OR2L13: variants seen among roughly 807,000 people sequenced by gnomAD.
OR2L13 encodes olfactory receptor family 2 subfamily L member 13, also known as olfactory receptor 2L13.
In OR2L13, 14 loss-of-function variants were observed where a neutral mutation model predicts 15.3. The observed-to-expected ratio is 0.91, with a 90% CI of 0.60 to 1.43. The LOEUF is 1.43. Ranked by LOEUF, OR2L13 falls within the 40% of genes most tolerant of loss-of-function variation. The probability of loss-of-function intolerance (pLI) is 0.00; values close to 1 mark genes in which losing one functional copy is unlikely to be tolerated. For missense variants in OR2L13, 367 were observed against 387.9 expected, an observed-to-expected ratio of 0.95 and a Z score of 0.45; for synonymous variants, 152 against 142.9, an observed-to-expected ratio of 1.06 and a Z score of -0.45.
the OR2L13 span, chr1:248,022,448 T>C: frequency 1.1e-5 from 18 of 1,614,254 alleles, no homozygotes; most frequent in Non-Finnish European, 1.4e-5. Context: ...GTATCCCATA[T>C]TGCAAGTCCA....
chr1:248,092,532 T>C (rs746640925), upstream of OR2L13, among the ~76,000 whole-genome samples: 8 of 152,204 alleles, frequency 5.3e-5, no homozygotes, highest in Non-Finnish European at 1.0e-4. Flanking sequence ...ATCTGTGGAC[T>C]ACTCCATTCA....
At chr1:247,966,347 T>C in the OR2L13 span, 14 of 1,597,244 alleles carry the variant, frequency 8.8e-6, no homozygotes, top group African/African-American at 1.5e-4. Flanking sequence ...TGATTGAGCA[T>C]TAACAACATA....
At chr1:248,060,636 A>G in the OR2L13 span, 3 of 1,491,086 alleles carry the variant, frequency 2.0e-6, no homozygotes, top group East Asian at 6.8e-5. Context: ...TTCTGTGCTT[A>G]ACTTACCCTT....
the OR2L13 span, among the ~76,000 whole-genome samples, chr1:248,068,938 G>A: frequency 3.3e-5 from 5 of 152,142 alleles, no homozygotes; most frequent in South Asian, 2.1e-4. Context: ...AGAATAAAAA[G>A]AAATGAACAA....
the OR2L13 span, among the ~76,000 whole-genome samples, chr1:248,018,568 G>A: frequency 6.6e-6 from 1 of 152,066 alleles, no homozygotes; most frequent in Non-Finnish European, 1.5e-5. Flanking sequence ...GAAACTTGTA[G>A]GAATTTTCTT....
the OR2L13 span, among the ~76,000 whole-genome samples, chr1:248,068,318 GA>G: frequency 6.6e-6 from 1 of 152,048 alleles, no homozygotes; most frequent in Admixed American, 6.6e-5. Flanking sequence ...GGAATGATCA[GA>G]CAGCAGTATT....
chr1:248,037,992 T>C, the OR2L13 span, among the ~76,000 whole-genome samples: 1 of 152,214 alleles, frequency 6.6e-6, no homozygotes, highest in African/African-American at 2.4e-5. Context: ...AAGAAAAATA[T>C]AGATTGCATT....
chr1:248,091,614 G>C (rs1295333198), upstream of OR2L13, among the ~76,000 whole-genome samples: 1 of 151,244 alleles, frequency 6.6e-6, no homozygotes, highest in East Asian at 1.9e-4. Context: ...TTATTTCTGG[G>C]CTCTCCATTC....
chr1:248,040,243 A>G, the OR2L13 span: 1 of 152,264 alleles, frequency 6.6e-6, no homozygotes, highest in African/African-American at 2.4e-5. Flanking sequence ...CATAAAGGTT[A>G]TCTGCTTAGG....
chr1:247,954,479 A>T, the OR2L13 span, among the ~76,000 whole-genome samples: 151 of 152,184 alleles, frequency 9.9e-4, no homozygotes, highest in Non-Finnish European at 1.8e-3. Flanking sequence ...TAAATATTTT[A>T]AAATACATTT....
the OR2L13 span, among the ~76,000 whole-genome samples, chr1:248,085,453 G>A: frequency 3.5e-4 from 2 of 5,660 alleles, no homozygotes; most frequent in Middle Eastern, 0.25. Context: ...ATAAAAAAAT[G>A]TGTGCAGAGA....
chr1:248,077,325 A>T, the OR2L13 span, among the ~76,000 whole-genome samples: 14 of 152,282 alleles, frequency 9.2e-5, 1 homozygote, highest in Admixed American at 3.3e-4. Context: ...TGTCTCTGCC[A>T]GGCTTTGGTA....
At chr1:247,937,661 C>T in the OR2L13 span, 1 of 155,032 alleles carries the variant, frequency 6.5e-6, no homozygotes, top group East Asian at 1.9e-4. Flanking sequence ...ATCAGCAGCT[C>T]AGGGATGGGG....
the OR2L13 span, chr1:247,974,909 G>A: frequency 2.3e-5 from 6 of 260,144 alleles, no homozygotes; most frequent in Admixed American, 3.9e-5. Flanking sequence ...ATCTCCACAC[G>A]CCCATTTATT....
At chr1:248,007,098 A>G in the OR2L13 span, among the ~76,000 whole-genome samples, 6 of 152,178 alleles carry the variant, frequency 3.9e-5, no homozygotes, top group African/African-American at 1.4e-4. Flanking sequence ...CATGGAGGGA[A>G]TCAGTAGACT....
At chr1:248,073,408 A>T in the OR2L13 span, among the ~76,000 whole-genome samples, 1 of 151,874 alleles carries the variant, frequency 6.6e-6, no homozygotes, top group Admixed American at 6.6e-5. Context: ...TTCTCACTCA[A>T]AGGTGGGAAT....
At chr1:247,937,987 T>C in the OR2L13 span, among the ~76,000 whole-genome samples, 1 of 152,164 alleles carries the variant, frequency 6.6e-6, no homozygotes, top group African/African-American at 2.4e-5. Flanking sequence ...ATTGTAGGCA[T>C]ACATGAAATA....
the OR2L13 span, among the ~76,000 whole-genome samples, chr1:248,019,625 G>A: frequency 8.1e-4 from 124 of 152,172 alleles, no homozygotes; most frequent in Middle Eastern, 0.01. Context: ...TGAAAACACC[G>A]TCCCTTCCCA....
At chr1:248,041,277 A>C in the OR2L13 span, 19 of 152,284 alleles carry the variant, frequency 1.2e-4, no homozygotes, top group Non-Finnish European at 2.4e-4. Context: ...CCTATTTAAT[A>C]AATGGTGCTG....
Sources: allele counts gnomAD v4.1 joint callset (sites outside exome capture counted in the v4.1 genomes callset), GRCh38; gene constraint gnomAD v4.1.1; transcripts MANE v1.5; gene names NCBI Gene and HGNC (gene_info 2026-07-23, HGNC 2026-07-21).